ROBO2: variants seen among roughly 807,000 people sequenced by gnomAD.
ROBO2 encodes the protein roundabout homolog 2.
In ROBO2, 53 loss-of-function variants were observed where a neutral mutation model predicts 160.8. The observed-to-expected ratio is 0.33, with a 90% confidence interval of 0.26 to 0.41. The LOEUF (loss-of-function observed/expected upper bound fraction) is 0.41, where lower values mean the gene tolerates loss of function less well. ROBO2 is among the 10% of genes least tolerant of loss of function. The pLI, the probability that ROBO2 is intolerant of heterozygous loss-of-function variation, is 1.00. For synonymous variants in ROBO2, 664 were observed against 611.7 expected, an observed-to-expected ratio of 1.09 and a Z score of -1.26; for missense variants, 1,577 against 1,722.4, an observed-to-expected ratio of 0.92 and a Z score of 1.49.
At chr3:76,323,177 C>CACACACA (rs2072723842) in intron 2 of ROBO2, among the ~76,000 whole-genome samples, 1 of 81,088 alleles carries the variant, frequency 1.2e-5, no homozygotes, top group Non-Finnish European at 2.7e-5. Flanking sequence ...ACACACACAC[C>CACACACA]CCTAAAGGCT....
chr3:77,392,145 A>G (rs1167504606), intron 2 of ROBO2, among the ~76,000 whole-genome samples: 1 of 152,178 alleles, frequency 6.6e-6, no homozygotes, highest in East Asian at 1.9e-4. Context: ...TATTTAGACT[A>G]CTAGTGGCTA....
At chr3:77,520,789 C>A (rs915860757) in intron 5 of ROBO2, among the ~76,000 whole-genome samples, 47 of 151,306 alleles carry the variant, frequency 3.1e-4, no homozygotes, top group Non-Finnish European at 3.7e-4. Flanking sequence ...CATAGGCTAA[C>A]TGTAGAAAAG....
intron 2 of ROBO2, among the ~76,000 whole-genome samples, chr3:77,446,187 C>A (rs538487261): frequency 2.0e-5 from 3 of 152,012 alleles, no homozygotes; most frequent in Non-Finnish European, 4.4e-5. Flanking sequence ...TTACTAAATA[C>A]TTTTCAGCAC....
intron 2 of ROBO2, among the ~76,000 whole-genome samples, chr3:76,888,517 T>C (rs1687541452): frequency 6.6e-6 from 1 of 152,156 alleles, no homozygotes; most frequent in Admixed American, 6.5e-5. Context: ...GGCATGAAAA[T>C]CAAATTAAAA....
intron 2 of ROBO2, among the ~76,000 whole-genome samples, chr3:76,278,748 C>A (rs1708072985): frequency 6.6e-6 from 1 of 151,918 alleles, no homozygotes; most frequent in South Asian, 2.1e-4. Flanking sequence ...GCTGTCAACA[C>A]ATATCTTTAG....
intron 2 of ROBO2, among the ~76,000 whole-genome samples, chr3:76,947,708 A>G (rs1324811628): frequency 1.3e-5 from 2 of 148,686 alleles, no homozygotes; most frequent in African/African-American, 2.5e-5. Flanking sequence ...ATGACATGGG[A>G]CTGGTTTTTT....
At chr3:77,557,341 A>G (rs1582926124) in intron 8 of ROBO2, among the ~76,000 whole-genome samples, 1 of 151,928 alleles carries the variant, frequency 6.6e-6, no homozygotes, top group Non-Finnish European at 1.5e-5. Flanking sequence ...AAATCATCCA[A>G]ATGATATGAC....
intron 2 of ROBO2, among the ~76,000 whole-genome samples, chr3:76,380,176 T>G (rs1413884325): frequency 1.3e-5 from 2 of 152,130 alleles, no homozygotes; most frequent in African/African-American, 4.8e-5. Context: ...TTGAAGATAT[T>G]TAACTATAAA....
intron 2 of ROBO2, among the ~76,000 whole-genome samples, chr3:76,258,042 G>A (rs909765162): frequency 1.3e-5 from 2 of 151,898 alleles, no homozygotes; most frequent in East Asian, 1.9e-4. Flanking sequence ...CCACTAATCT[G>A]TTAGCCTAGA....
chr3:77,488,655 C>A (rs2085685736), intron 4 of ROBO2, among the ~76,000 whole-genome samples: 1 of 152,086 alleles, frequency 6.6e-6, no homozygotes, highest in Non-Finnish European at 1.5e-5. Context: ...ATCCACCTAG[C>A]TTTTCATTTT....
At chr3:77,464,961 C>T (rs1055899788) in intron 2 of ROBO2, among the ~76,000 whole-genome samples, 1 of 152,120 alleles carries the variant, frequency 6.6e-6, no homozygotes, top group African/African-American at 2.4e-5. Flanking sequence ...CTGTATATAA[C>T]ATTTGAGTAT....
intron 2 of ROBO2, among the ~76,000 whole-genome samples, chr3:77,172,067 A>G (rs2079693068): frequency 6.6e-6 from 1 of 152,208 alleles, no homozygotes; most frequent in African/African-American, 2.4e-5. Flanking sequence ...AAAATTCACA[A>G]TAAGTATAGT....
rs576398716 is a variant in ROBO2 at position 76,947,112 on chromosome 3, C to T, written c.110-150902C>T. 2.6e-5 allele frequency among the ~76,000 whole-genome samples: 4 copies of T among 152,248 alleles called. No individual in the cohort carries two copies. In the South Asian group the frequency reaches 8.3e-4, roughly 32 times the overall value. Reference sequence around the variant, plus strand: ...AATCACAATATGCTAAACATTTCCACTTCTTTTACATGTACATTCATGTAC... The same window carrying T: ...AATCACAATATGCTAAACATTTCCATTTCTTTTACATGTACATTCATGTAC... On this transcript the variant is annotated intron_variant, in intron 2 of 26. Coordinates refer to the ROBO2 transcript ENST00000487694.
chr3:76,034,411 A>T (rs1259829884), intron 2 of ROBO2, among the ~76,000 whole-genome samples: 1 of 152,184 alleles, frequency 6.6e-6, no homozygotes, highest in African/African-American at 2.4e-5. Flanking sequence ...CCCGTGTGAA[A>T]TAGACAAGTC....
At chr3:76,201,695 G>A (rs991478760) in intron 2 of ROBO2, among the ~76,000 whole-genome samples, 1 of 152,060 alleles carries the variant, frequency 6.6e-6, no homozygotes, top group Non-Finnish European at 1.5e-5. Context: ...TTTCACAGGT[G>A]TTCATGGTGC....
chr3:76,029,222 G>A (rs2066839164), intron 2 of ROBO2, among the ~76,000 whole-genome samples: 1 of 151,908 alleles, frequency 6.6e-6, no homozygotes, highest in Non-Finnish European at 1.5e-5. Context: ...ATTAAAAATG[G>A]AAGTTAACAT....
chr3:76,800,265 T>C (rs535182469), intron 2 of ROBO2, among the ~76,000 whole-genome samples: 159 of 152,260 alleles, frequency 1.0e-3, no homozygotes, highest in African/African-American at 3.5e-3. Context: ...ACTGTAAAAC[T>C]ACTAAACGGA....
chr3:77,509,167 G>C (rs896601735), intron 5 of ROBO2, among the ~76,000 whole-genome samples: 3 of 150,268 alleles, frequency 2.0e-5, no homozygotes, highest in Non-Finnish European at 3.0e-5. Flanking sequence ...AGAGTCGTTT[G>C]CTCCTCCGGT....
chr3:76,792,727 AC>A lies in ROBO2; in HGVS notation c.110-305286del, dbSNP rs11291194. On this transcript the variant is annotated intron_variant, in intron 2 of 26. Transcript: ENST00000487694. ...TTTACTTAAAGACAAAAAGCAAAAA[AC>A]AACAACAACAACAAAAAAATCCTCT... 9.8e-3 allele frequency among the ~76,000 whole-genome samples: 1,491 copies of A among 151,852 alleles called. 21 individuals carry two copies. The highest frequency in any genetic ancestry group is 0.033 in the African/African-American group (1,377 of 41,490).
Sources: gnomAD v4.1 joint callset for allele counts (sites outside exome capture counted in the v4.1 genomes callset) on GRCh38, gnomAD v4.1.1 for gene constraint, MANE v1.5 for transcripts, NCBI Gene and HGNC (gene_info 2026-07-23, HGNC 2026-07-21) for gene names.